MKRN2: variants seen among roughly 807,000 people sequenced by gnomAD.
The protein encoded by MKRN2 is E3 ubiquitin-protein ligase makorin-2.
In MKRN2, 32 loss-of-function variants were observed where a neutral mutation model predicts 45.4. The observed-to-expected ratio is 0.70, with a 90% CI of 0.53 to 0.95. MKRN2 has a LOEUF of 0.95. Ranked by LOEUF, MKRN2 falls within the 40% of genes least tolerant of loss-of-function variation. The pLI is 0.00. For missense variants in MKRN2, 526 were observed against 536.7 expected (o/e 0.98, Z 0.20); for synonymous variants, 206 against 192.4 (o/e 1.07, Z -0.59).
At chr3:12,561,330 C>T (rs193264684) in intron 1 of MKRN2, among the ~76,000 whole-genome samples, 18 of 152,226 alleles carry the variant, frequency 1.2e-4, no homozygotes, top group Admixed American at 6.5e-4. Context: ...GTATGGAAGG[C>T]GGAGGTAGAA....
At chr3:12,571,206 G>A (rs985561120) in intron 3 of MKRN2, among the ~76,000 whole-genome samples, 1 of 151,928 alleles carries the variant, frequency 6.6e-6, no homozygotes, top group Non-Finnish European at 1.5e-5. Flanking sequence ...CACCTCCCGG[G>A]TTCAAGGGAT....
intron 4 of MKRN2, among the ~76,000 whole-genome samples, chr3:12,572,579 G>T (rs1159086212): frequency 6.7e-6 from 1 of 150,318 alleles, no homozygotes; most frequent in Admixed American, 6.7e-5. Context: ...TCTTTTTCCT[G>T]CAGTCATTTT....
chr3:12,566,437 G>A (rs781543812), intron 1 of MKRN2, among the ~76,000 whole-genome samples: 74 of 144,042 alleles, frequency 5.1e-4, no homozygotes, highest in Non-Finnish European at 9.0e-4. Flanking sequence ...CTCCTTGGTA[G>A]TCAGAAGCAA....
At chr3:12,575,573 A>T (rs1002955319) in intron 5 of MKRN2, among the ~76,000 whole-genome samples, 1 of 152,152 alleles carries the variant, frequency 6.6e-6, no homozygotes, top group Admixed American at 6.5e-5. Flanking sequence ...CTGTCCGCTC[A>T]TCTCATTCCC....
chr3:12,560,929 C>G (rs544293856), intron 1 of MKRN2: 55 of 152,282 alleles, frequency 3.6e-4, no homozygotes, highest in African/African-American at 1.3e-3. Flanking sequence ...GGAGTAAGAT[C>G]AGTATAACAT....
chr3:12,577,898 A>ATCCGC (rs2058152748), intron 6 of MKRN2, among the ~76,000 whole-genome samples: 1 of 152,034 alleles, frequency 6.6e-6, no homozygotes, highest in Admixed American at 6.6e-5. Flanking sequence ...GCTGGTCTCA[A>ATCCGC]ACTCCTGACC....
intron 1 of MKRN2, among the ~76,000 whole-genome samples, chr3:12,558,172 A>G (rs1463153883): frequency 6.6e-6 from 1 of 152,236 alleles, no homozygotes; most frequent in Non-Finnish European, 1.5e-5. Flanking sequence ...TGGTATGAAT[A>G]GTTGAGACGT....
In MKRN2 at chr3:12,557,191, G is replaced by A. The variant is rs752518463; in HGVS notation, c.26+15G>A. ...ATCACTTGCAGGTCAGTGCGCTGGA[G>A]CCAGGAGCTTCGGGCCGCTCCCCCA... On this transcript the variant is annotated intron_variant, in intron 1 of 7. Transcript: ENST00000170447. The A allele has an allele frequency of 1.2e-5, 18 of 1,534,788 alleles. No homozygotes were observed. In the South Asian group the frequency reaches 2.1e-4, roughly 18 times the overall value.
chr3:12,566,041 A>G (rs759309447), intron 1 of MKRN2, among the ~76,000 whole-genome samples: 1 of 151,854 alleles, frequency 6.6e-6, no homozygotes, highest in Non-Finnish European at 1.5e-5. Flanking sequence ...TTTTATACAG[A>G]TTGGGTTTTG....
chr3:12,573,378 C>G (rs1272491146), intron 4 of MKRN2, among the ~76,000 whole-genome samples: 1 of 150,166 alleles, frequency 6.7e-6, no homozygotes, highest in Admixed American at 6.6e-5. Context: ...AAAAAAAATA[C>G]AAACATTAGC....
intron 1 of MKRN2, among the ~76,000 whole-genome samples, chr3:12,562,953 T>G (rs2058048342): frequency 1.3e-5 from 2 of 152,166 alleles, no homozygotes; most frequent in Non-Finnish European, 2.9e-5. Flanking sequence ...ATAAATGTAA[T>G]GTGCTTGAAT....
At chr3:12,563,602 G>A (rs1400021346) in intron 1 of MKRN2, among the ~76,000 whole-genome samples, 2 of 147,216 alleles carry the variant, frequency 1.4e-5, no homozygotes, top group African/African-American at 2.5e-5. Flanking sequence ...CGATTCTCAT[G>A]CCTCAGCTTC....
chr3:12,576,614 T>C lies in MKRN2; in HGVS notation c.858-17T>C, dbSNP rs756463343. 34 of 1,552,990 alleles carry C rather than the reference T, an allele frequency of 2.2e-5. No individual in the cohort carries two copies. Among genetic ancestry groups the C allele is most frequent in the Non-Finnish European group, 2.8e-5 (31 of 1,125,766 alleles). On this transcript the variant is annotated splice_polypyrimidine_tract_variant and intron_variant, in intron 5 of 7. Transcript: ENST00000170447. Reference sequence around the variant, plus strand: ...CGTAACATGACTTCTCCCTTAGTAATCTAATTCTTATTTCAGGTCTTGTCC... The same window carrying C: ...CGTAACATGACTTCTCCCTTAGTAACCTAATTCTTATTTCAGGTCTTGTCC...
intron 1 of MKRN2, among the ~76,000 whole-genome samples, chr3:12,557,749 C>T (rs2057992661): frequency 6.6e-6 from 1 of 152,226 alleles, no homozygotes; most frequent in Non-Finnish European, 1.5e-5. Flanking sequence ...TATTCATTAT[C>T]ATCAGACTTC....
At chr3:12,573,127 C>CT (rs1446893828) in intron 4 of MKRN2, among the ~76,000 whole-genome samples, 1 of 152,100 alleles carries the variant, frequency 6.6e-6, no homozygotes, top group East Asian at 1.9e-4. Context: ...TGAGGAGCCA[C>CT]TTGTTGGAAG....
chr3:12,567,863 C>T (rs750570200), intron 1 of MKRN2, among the ~76,000 whole-genome samples: 1 of 152,148 alleles, frequency 6.6e-6, no homozygotes, highest in Non-Finnish European at 1.5e-5. Context: ...GGTCTCTCTA[C>T]CCTGTCTGGA....
Position 12,583,412 on chromosome 3 carries a change from A to C in MKRN2, c.*1159A>C, listed in dbSNP as rs1294537118. On this transcript the variant is annotated 3_prime_UTR_variant, in exon 8 of 8. Transcript: ENST00000170447. Reference sequence around the variant, plus strand: ...GCTGAGTTTAGAGTACTTTCTGCTTAATTAATTTTTATACTTAACTCTTCA... The same window carrying C: ...GCTGAGTTTAGAGTACTTTCTGCTTCATTAATTTTTATACTTAACTCTTCA... The C allele has an allele frequency of 5.5e-6, 1 of 181,292 alleles. No individual in the cohort carries two copies. The highest frequency in any genetic ancestry group is 1.2e-5 in the Non-Finnish European group (1 of 85,156). The allele number at this position is 181,292 out of a possible 1,614,324, so 11.2% of individuals were successfully genotyped here.
intron 6 of MKRN2, among the ~76,000 whole-genome samples, chr3:12,579,751 G>C (rs1309583739): frequency 6.6e-6 from 1 of 152,082 alleles, no homozygotes; most frequent in African/African-American, 2.4e-5. Context: ...GATGTGGTGG[G>C]ACCTACAGAC....
intron 1 of MKRN2, among the ~76,000 whole-genome samples, chr3:12,568,389 T>G (rs1446539091): frequency 6.6e-6 from 1 of 152,246 alleles, no homozygotes; most frequent in Non-Finnish European, 1.5e-5. Flanking sequence ...TATTTGATCC[T>G]CACCACGACC....
Sources: allele counts gnomAD v4.1 joint callset (sites outside exome capture counted in the v4.1 genomes callset), GRCh38; gene constraint gnomAD v4.1.1; transcripts MANE v1.5; gene names NCBI Gene and HGNC (gene_info 2026-07-23, HGNC 2026-07-21).